The following XKR6 variants were observed in gnomAD, a reference collection of about 807,000 sequenced individuals.
The protein encoded by XKR6 is XK-related protein 6.
In XKR6, 22 loss-of-function variants were observed where a neutral mutation model predicts 56.7. The ratio of observed to expected loss-of-function variants is 0.39; its 90% confidence interval spans 0.28 to 0.55. The LOEUF (loss-of-function observed/expected upper bound fraction) is 0.55. Among genes scored for constraint, XKR6 ranks in the 20% least tolerant of loss-of-function variants. The pLI is 0.66. For synonymous variants in XKR6, 524 were observed against 387.8 expected (o/e 1.35, Z -4.13); for missense variants, 852 against 889.0 (o/e 0.96, Z 0.53).
chr8:10,951,746 C>A (rs1801731195), intron 1 of XKR6, among the ~76,000 whole-genome samples: 1 of 152,174 alleles, frequency 6.6e-6, no homozygotes, highest in Non-Finnish European at 1.5e-5. Context: ...GCAGGGCAGG[C>A]AGAAGCCACC....
Position 11,200,952 on chromosome 8 carries a change from G to T in XKR6, c.388C>A (p.Leu130Met), listed in dbSNP as rs373174606. 3.2e-6 allele frequency: 5 copies of T among 1,584,510 alleles called. No individual in the cohort carries two copies. Among genetic ancestry groups the T allele is most frequent in the South Asian group, 1.1e-5 (1 of 88,548 alleles). ...ACCAGCAGCGCCAGCACGATCCACA[G>T]GCAGTCGAGCCACGGCCGCTCCACC... ...PQVERPWLDC[L>M]WIVLALLVFF... Residue 130 changes from leucine (L) to methionine (M), a missense_variant, in exon 1 of 3, where the codon CTG becomes ATG. Coordinates refer to ENST00000416569, the MANE Select transcript of XKR6 (RefSeq NM_173683.4). This position sits in a 1 kb window ranked among gnomAD's most constrained non-coding sequence, Gnocchi z 6.4.
intron 1 of XKR6, among the ~76,000 whole-genome samples, chr8:11,159,184 A>G (rs1173055680): frequency 6.6e-6 from 1 of 152,204 alleles, no homozygotes. Context: ...TCCACCATAT[A>G]TTCCCAGAGG....
Position 11,101,876 on chromosome 8 carries a change from G to A in XKR6, c.764+98700C>T, listed in dbSNP as rs180695764. On this transcript the variant is annotated intron_variant, in intron 1 of 2. Transcript: ENST00000416569. ...ACCCTTTAAGGCCCCATCTAGAAAC[G>A]CTCTCCTTCCCTTACGGACCCGCCA... is the stretch of plus-strand genomic sequence containing the variant. Among the ~76,000 whole-genome samples the A allele has an allele frequency of 1.4e-4, 22 of 152,000 alleles. No homozygotes were observed. In the East Asian group the frequency reaches 2.7e-3, roughly 19 times the overall value.
chr8:10,995,962 T>C (rs1798104173), intron 1 of XKR6, among the ~76,000 whole-genome samples: 1 of 152,196 alleles, frequency 6.6e-6, no homozygotes, highest in South Asian at 2.1e-4. Context: ...AAGCCACCTC[T>C]TGTTGGGCCT....
chr8:11,186,114 A>G (rs192569606), intron 1 of XKR6, among the ~76,000 whole-genome samples: 1 of 152,312 alleles, frequency 6.6e-6, no homozygotes, highest in East Asian at 1.9e-4. Flanking sequence ...TTTAAAGGGA[A>G]ATCGTCTCTT....
At chr8:10,971,616 G>C (rs1802413227) in intron 1 of XKR6, among the ~76,000 whole-genome samples, 1 of 152,092 alleles carries the variant, frequency 6.6e-6, no homozygotes, top group Admixed American at 6.5e-5. Flanking sequence ...CAACTTACCT[G>C]AGGCCAATCA....
At chr8:11,117,629 C>T (rs1327795181) in intron 1 of XKR6, among the ~76,000 whole-genome samples, 1 of 151,982 alleles carries the variant, frequency 6.6e-6, no homozygotes, top group Non-Finnish European at 1.5e-5. Context: ...GAAAATATGG[C>T]TGAAATTTTT....
chr8:11,029,380 C>A (rs1009210668), intron 1 of XKR6, among the ~76,000 whole-genome samples: 4 of 152,126 alleles, frequency 2.6e-5, no homozygotes, highest in African/African-American at 9.7e-5. Flanking sequence ...AATCTCCAAC[C>A]CTTAATGTGA....
intron 1 of XKR6, among the ~76,000 whole-genome samples, chr8:11,070,418 T>C (rs1026096117): frequency 2.0e-5 from 3 of 152,168 alleles, no homozygotes; most frequent in Non-Finnish European, 4.4e-5. Flanking sequence ...ACCAGAAACT[T>C]TGAGGGTTTA....
intron 1 of XKR6, among the ~76,000 whole-genome samples, chr8:10,974,283 T>C (rs866188750): frequency 6.6e-6 from 1 of 152,206 alleles, no homozygotes; most frequent in Non-Finnish European, 1.5e-5. Flanking sequence ...GAGTAAAATA[T>C]GCTGCACCTG....
intron 1 of XKR6, among the ~76,000 whole-genome samples, chr8:10,926,827 A>G (rs1800898899): frequency 1.3e-5 from 2 of 152,224 alleles, no homozygotes; most frequent in Non-Finnish European, 2.9e-5. Flanking sequence ...AGTTCACAAA[A>G]TCAAGGAACC....
At chr8:10,992,321 G>A (rs1057289357) in intron 1 of XKR6, among the ~76,000 whole-genome samples, 1 of 151,772 alleles carries the variant, frequency 6.6e-6, no homozygotes, top group Non-Finnish European at 1.5e-5. Context: ...ACACACCAGA[G>A]ACCAACAGAT....
intron 1 of XKR6, among the ~76,000 whole-genome samples, chr8:11,045,307 C>T (rs985711419): frequency 1.3e-5 from 2 of 151,824 alleles, no homozygotes; most frequent in South Asian, 2.1e-4. Context: ...AGGCTGGTCT[C>T]GAACTCCTAA....
intron 1 of XKR6, among the ~76,000 whole-genome samples, chr8:11,010,013 G>C (rs1361653303): frequency 2.6e-5 from 4 of 152,190 alleles, no homozygotes. Flanking sequence ...ACCTGAGAAT[G>C]GGTAATTTAT....
chr8:10,978,296 G>A (rs1308909872), intron 1 of XKR6, among the ~76,000 whole-genome samples: 3 of 152,226 alleles, frequency 2.0e-5, no homozygotes, highest in Non-Finnish European at 4.4e-5. Flanking sequence ...GGTATTTAAT[G>A]TTATGCATTA....
chr8:11,171,393 G>A (rs1241484984), intron 1 of XKR6, among the ~76,000 whole-genome samples: 4 of 152,334 alleles, frequency 2.6e-5, no homozygotes, highest in Non-Finnish European at 5.9e-5. Context: ...ATTACTCCAT[G>A]CTATAGAGTT....
chr8:10,990,415 G>T (rs533281532), intron 1 of XKR6, among the ~76,000 whole-genome samples: 13 of 152,284 alleles, frequency 8.5e-5, no homozygotes, highest in Non-Finnish European at 1.2e-4. Context: ...TAAGACTGTG[G>T]AACTGCTGGG....
intron 1 of XKR6, among the ~76,000 whole-genome samples, chr8:11,099,063 T>C (rs1023410162): frequency 6.6e-6 from 1 of 152,148 alleles, no homozygotes; most frequent in Admixed American, 6.5e-5. Context: ...CCCCACCAGG[T>C]AGGCACGCTG....
chr8:10,924,798 C>T lies in XKR6; in HGVS notation c.797G>A (p.Ser266Asn), dbSNP rs1178102394. The change falls in exon 2 of 3, where the codon AGC becomes AAC. Residue 266 changes from serine (S) to asparagine (N), a missense_variant. Transcript: ENST00000416569. The part of the protein sequence containing the change: ...YIRTMYLGIQ[S>N]QRRKEHQRRF... Reference sequence around the variant, plus strand: ...TCGCTGGTGTTCCTTCCGCCGCTGGCTCTGAATCCCCAGGTACATGGTGCG... The same window carrying T: ...TCGCTGGTGTTCCTTCCGCCGCTGGTTCTGAATCCCCAGGTACATGGTGCG... 6.2e-7 allele frequency: 1 copy of T among 1,613,844 alleles called. No individual in the cohort carries two copies. Among genetic ancestry groups the T allele is most frequent in the Non-Finnish European group, 8.5e-7 (1 of 1,179,962 alleles).
Sources: allele counts gnomAD v4.1 joint callset (sites outside exome capture counted in the v4.1 genomes callset), GRCh38; gene constraint gnomAD v4.1.1; non-coding constraint Gnocchi (gnomAD v3.1); transcripts MANE v1.5; gene names NCBI Gene and HGNC (gene_info 2026-07-23, HGNC 2026-07-21).